P2RY8: variants seen among roughly 807,000 people sequenced by gnomAD.
The protein encoded by P2RY8 is P2Y receptor family member 8.
A neutral mutation model predicts 10.0 loss-of-function variants in P2RY8; 6 were observed. That is an observed-to-expected ratio of 0.60 (90% CI 0.33 to 1.19). P2RY8 has a LOEUF of 1.19. Among genes scored for constraint, P2RY8 ranks in the 50% most tolerant of loss-of-function variants. The pLI, the probability that P2RY8 is intolerant of heterozygous loss-of-function variation, is 0.04. For synonymous variants in P2RY8, 276 were observed against 252.5 expected, an observed-to-expected ratio of 1.09 and a Z score of -0.88; for missense variants, 456 against 542.0, an observed-to-expected ratio of 0.84 and a Z score of 1.58.
At chrX:1,482,214 A>T (rs117368320) in intron 1 of P2RY8, among the ~76,000 whole-genome samples, 66,326 of 149,508 alleles carry the variant, frequency 0.44, 16,000 homozygotes, top group Middle Eastern at 0.6. Flanking sequence ...TCTCAACAGC[A>T]GCAAAATCGG....
At chrX:1,468,399 C>G (rs1263163512) in intron 1 of P2RY8, among the ~76,000 whole-genome samples, 2 of 152,210 alleles carry the variant, frequency 1.3e-5, no homozygotes, top group African/African-American at 2.4e-5. Flanking sequence ...GCAGCCAGAT[C>G]TGTTGCCATT....
intron 1 of P2RY8, among the ~76,000 whole-genome samples, chrX:1,497,743 C>T (rs1375042877): frequency 4.6e-5 from 7 of 152,188 alleles, no homozygotes; most frequent in Middle Eastern, 3.4e-3. Context: ...AAGAAGGTAC[C>T]GGACTTGCTG....
At chrX:1,504,877 C>T (rs1281617803) in intron 1 of P2RY8, among the ~76,000 whole-genome samples, 14 of 151,772 alleles carry the variant, frequency 9.2e-5, no homozygotes, top group African/African-American at 2.4e-4. Flanking sequence ...TCACGCCTGT[C>T]ATCCCAGCAC....
chrX:1,531,313 G>T (rs2092473925), intron 1 of P2RY8, among the ~76,000 whole-genome samples: 1 of 152,150 alleles, frequency 6.6e-6, no homozygotes, highest in African/African-American at 2.4e-5. Flanking sequence ...TGTCACTAGT[G>T]CTCCAGCAGA....
intron 1 of P2RY8, among the ~76,000 whole-genome samples, chrX:1,492,365 G>A (rs1330939899): frequency 6.6e-6 from 1 of 152,146 alleles, no homozygotes; most frequent in East Asian, 1.9e-4. Flanking sequence ...GGTGTAACTT[G>A]TGGGTGCCAG....
chrX:1,526,874 A>G (rs1312241546), intron 1 of P2RY8, among the ~76,000 whole-genome samples: 1 of 151,952 alleles, frequency 6.6e-6, no homozygotes, highest in Admixed American at 6.6e-5. Context: ...TCATTTATTC[A>G]TCTATTCATT....
chrX:1,478,246 C>CGTGTGTGTGTGTGTGT (rs1389734508), intron 1 of P2RY8, among the ~76,000 whole-genome samples: 21 of 141,248 alleles, frequency 1.5e-4, no homozygotes, highest in East Asian at 8.0e-4. Context: ...TGCTGGCAGG[C>CGTGTGTGTGTGTGTGT]GTATGTGTGT....
intron 1 of P2RY8, chrX:1,493,966 G>T (rs2092092825): frequency 6.6e-6 from 1 of 152,234 alleles, no homozygotes; most frequent in African/African-American, 2.4e-5. Flanking sequence ...ACACCCCAAA[G>T]GGAGGCTGAG....
At chrX:1,492,943 C>G (rs2092067942) in intron 1 of P2RY8, among the ~76,000 whole-genome samples, 1 of 151,968 alleles carries the variant, frequency 6.6e-6, no homozygotes, top group Non-Finnish European at 1.5e-5. Context: ...ACCCCCGCCT[C>G]CATGTCTGCC....
intron 1 of P2RY8, among the ~76,000 whole-genome samples, chrX:1,505,560 C>A (rs188337553): frequency 1.3e-5 from 2 of 152,144 alleles, no homozygotes; most frequent in Non-Finnish European, 2.9e-5. Context: ...GAGGCCGAGG[C>A]GGGTCGATCA....
In P2RY8 at chrX:1,490,390, A is replaced by G. The variant is rs58488826; in HGVS notation, c.-24-23808T>C. ...ACCCAGATATTCCCTGCAAATGTGG[A>G]GGGAATGAATGAATGATACCCCAGA... On this transcript the variant is annotated intron_variant, in intron 1 of 1. Transcript: ENST00000381297. Among the ~76,000 whole-genome samples the G allele has an allele frequency of 6.8e-5, 10 of 146,802 alleles. No homozygotes were observed. In the South Asian group the frequency reaches 1.1e-3, roughly 16 times the overall value.
At position 1,464,069 on chromosome X, in the gene P2RY8, A is replaced by G. The variant is rs1406937660; in HGVS notation, c.*1410T>C. 4.3e-6 allele frequency: 1 copy of G among 233,286 alleles called. No homozygotes were observed. Among genetic ancestry groups the G allele is most frequent in the Non-Finnish European group, 8.5e-6 (1 of 118,040 alleles). 14.5% of individuals were successfully genotyped at this position (233,286 alleles called of 1,614,324 possible). Reference sequence around the variant, plus strand: ...TAGAGGGCCTCCGAACAGCAGCTTCAGCCTCCATCAGCGTCCCCAGTGCAC... The same window carrying G: ...TAGAGGGCCTCCGAACAGCAGCTTCGGCCTCCATCAGCGTCCCCAGTGCAC... On this transcript the variant is annotated 3_prime_UTR_variant, in exon 2 of 2. Coordinates refer to ENST00000381297, the MANE Select transcript of P2RY8 (RefSeq NM_178129.5).
In P2RY8 at chrX:1,530,130, T is replaced by C. The variant is rs2092462610; in HGVS notation, c.-25+6791A>G. Among the ~76,000 whole-genome samples the C allele has an allele frequency of 1.2e-3, 6 of 5,160 alleles. 1 individual carries two copies. In the Admixed American group the frequency reaches 0.035, roughly 30 times the overall value. The allele number at this position is 5,160 out of a possible 152,430, so 3.4% of individuals were successfully genotyped here. ...GTATCTATGTATCTATGCATCTATG[T>C]ATGTATGTATGTATGTATGTATGTA... On this transcript the variant is annotated intron_variant, in intron 1 of 1. Transcript: ENST00000381297.
At chrX:1,476,149 A>G (rs1450723729) in intron 1 of P2RY8, among the ~76,000 whole-genome samples, 20 of 152,148 alleles carry the variant, frequency 1.3e-4, no homozygotes, top group Non-Finnish European at 2.4e-4. Flanking sequence ...GCTGACCTAC[A>G]AGGGTCACAG....
At chrX:1,499,133 C>T (rs1316276070) in intron 1 of P2RY8, among the ~76,000 whole-genome samples, 1 of 149,416 alleles carries the variant, frequency 6.7e-6, no homozygotes, top group East Asian at 2.0e-4. Context: ...GCACCCAACC[C>T]TCTGTTTTTT....
In P2RY8 at chrX:1,464,768, T is replaced by C. The variant is rs1163783835; in HGVS notation, c.*711A>G. ...CAGAACAAATGTGCCAAAAATCACC[T>C]TGGTCAGCAACAGGGTGGGGTGTGT... On this transcript the variant is annotated 3_prime_UTR_variant, in exon 2 of 2. Transcript: ENST00000381297. 1.3e-5 allele frequency: 3 copies of C among 231,932 alleles called. No individual in the cohort carries two copies. The highest frequency in any genetic ancestry group is 2.2e-5 in the African/African-American group (1 of 45,138). 14.4% of individuals were successfully genotyped at this position (231,932 alleles called of 1,614,324 possible). A position where few individuals can be genotyped will look rare whatever the true frequency, so the allele number is the denominator to read the frequency against.
At chrX:1,504,268 A>T (rs2092208807) in intron 1 of P2RY8, among the ~76,000 whole-genome samples, 1 of 151,338 alleles carries the variant, frequency 6.6e-6, no homozygotes, top group Admixed American at 6.6e-5. Flanking sequence ...GTGAGCCGAG[A>T]TGGCGCCACT....
At chrX:1,468,444 C>T (rs1425254804) in intron 1 of P2RY8, among the ~76,000 whole-genome samples, 6 of 152,182 alleles carry the variant, frequency 3.9e-5, no homozygotes, top group East Asian at 1.9e-4. Context: ...GGACAGCCCC[C>T]GGGGAAGACA....
intron 1 of P2RY8, among the ~76,000 whole-genome samples, chrX:1,513,115 T>C (rs1338139747): frequency 6.9e-6 from 1 of 144,264 alleles, no homozygotes; most frequent in African/African-American, 2.6e-5. Context: ...AGTGAGAACA[T>C]GCGGCATTTC....
Sources: gnomAD v4.1 joint callset for allele counts (sites outside exome capture counted in the v4.1 genomes callset) on GRCh38, gnomAD v4.1.1 for gene constraint, MANE v1.5 for transcripts, NCBI Gene and HGNC (gene_info 2026-07-23, HGNC 2026-07-21) for gene names.